TXNRD2: variants seen among roughly 807,000 people sequenced by gnomAD.
TXNRD2 encodes thioredoxin reductase 2, also known as thioredoxin reductase 2, mitochondrial.
TXNRD2 carries 67 observed loss-of-function variants against 70.8 expected under a neutral mutation model. That is an observed-to-expected ratio of 0.95 (90% CI 0.78 to 1.16). TXNRD2 has a LOEUF of 1.16. Among genes scored for constraint, TXNRD2 ranks in the 50% most tolerant of loss-of-function variants. The pLI is 0.00. For missense variants in TXNRD2, 644 were observed against 719.9 expected (o/e 0.89, Z 1.21); for synonymous variants, 301 against 295.8 (o/e 1.02, Z -0.18).
intron 11 of TXNRD2, chr22:19,891,658 C>T (rs921131718): frequency 1.3e-5 from 2 of 152,346 alleles, no homozygotes; most frequent in African/African-American, 4.8e-5. Flanking sequence ...GAATTCGAGC[C>T]CGCAGCAGTG....
intron 12 of TXNRD2, 57 bp downstream of exon 12, chr22:19,883,268 G>A (rs1269342949): frequency 1.3e-6 from 2 of 1,598,148 alleles, no homozygotes; most frequent in Non-Finnish European, 1.7e-6. Context: ...AGCCCAGCGA[G>A]CAGGGGTGGT....
At chr22:19,915,089 A>T in intron 7 of TXNRD2, 125 bp downstream of exon 7, 1 of 878,286 alleles carries the variant, frequency 1.1e-6, no homozygotes, top group Non-Finnish European at 1.9e-6. Context: ...AAGTGATGAT[A>T]GTGAGTATAG....
chr22:19,927,901 C>T (rs919110813), intron 2 of TXNRD2, among the ~76,000 whole-genome samples: 1 of 151,908 alleles, frequency 6.6e-6, no homozygotes, highest in Non-Finnish European at 1.5e-5. Flanking sequence ...TGAGGTATAT[C>T]TCAATAAAAC....
In TXNRD2 at chr22:19,915,229, C is replaced by T. The variant is rs1208571214; in HGVS notation, c.576G>A (p.Pro192=). The T allele has an allele frequency of 2.5e-6, 4 of 1,613,874 alleles. No homozygotes were observed. Among genetic ancestry groups the T allele is most frequent in the South Asian group, 2.2e-5 (2 of 90,964 alleles). The change falls in exon 7 of 18, where the codon CCG becomes CCA. Residue 192 remains proline, a synonymous_variant. Coordinates refer to ENST00000400521, the MANE Select transcript of TXNRD2 (RefSeq NM_006440.5). ...GGACACTCACGTGCGTGGGGTATCT[C>T]GGCCGCCCTCCAGTAGCAATGATGA... ...DHIIIATGGR[P]RYPTHIEGAL... is the part of the protein sequence containing the mutation.
intron 8 of TXNRD2, among the ~76,000 whole-genome samples, chr22:19,904,038 G>A (rs575307565): frequency 1.3e-4 from 20 of 152,314 alleles, no homozygotes; most frequent in Middle Eastern, 3.4e-3. Context: ...GGCACAAGGC[G>A]GGCATCTGCA....
At chr22:19,903,873 G>A (rs964881184) in intron 8 of TXNRD2, among the ~76,000 whole-genome samples, 37 of 152,306 alleles carry the variant, frequency 2.4e-4, no homozygotes, top group Admixed American at 7.2e-4. Flanking sequence ...GTGCCCCTCC[G>A]CACCCCTGCC....
Position 19,898,054 on chromosome 22 carries a change from G to C in TXNRD2, c.759C>G (p.Leu253=). The C allele has an allele frequency of 1.9e-6, 3 of 1,559,140 alleles. No homozygotes were observed. Among genetic ancestry groups the C allele is most frequent in the Non-Finnish European group, 2.6e-6 (3 of 1,152,020 alleles). The change falls in exon 10 of 18, where the codon CTC becomes CTG. Residue 253 remains leucine (L), a synonymous_variant. Coordinates refer to ENST00000400521, the MANE Select transcript of TXNRD2 (RefSeq NM_006440.5). ...CCAGCACTACCTGGTCGAAGCCGCG[G>C]AGGGGGATGCTGCGCATCATGATGG... ...DTTIMMRSIP[L]RGFDQQMSSM... is the part of the protein sequence containing the mutation.
At chr22:19,918,311 A>G in intron 4 of TXNRD2, 94 bp from the exon 5 acceptor site, 1 of 1,152,768 alleles carries the variant, frequency 8.7e-7, no homozygotes, top group Non-Finnish European at 1.3e-6. Flanking sequence ...GTACATTCAT[A>G]GAAATATCAA....
intron 10 of TXNRD2, among the ~76,000 whole-genome samples, chr22:19,896,827 T>C (rs1195328108): frequency 6.6e-6 from 1 of 152,140 alleles, no homozygotes; most frequent in African/African-American, 2.4e-5. Context: ...CGGGCAGGGC[T>C]GGCTGTGCTG....
intron 12 of TXNRD2, 128 bp from the exon 13 acceptor site, chr22:19,880,845 T>G: frequency 1.5e-6 from 1 of 676,076 alleles, no homozygotes; most frequent in South Asian, 1.7e-5. Flanking sequence ...GCACCGAGCA[T>G]GGTGACGTAC....
chr22:19,918,161 C>G lies in TXNRD2; in HGVS notation c.431G>C (p.Arg144Pro), dbSNP rs748674090. Residue 144 changes from arginine (R) to proline (P), a missense_variant, in exon 5 of 18, where the codon CGT becomes CCT. Arg to Pro is a moderately radical substitution (Grantham distance 103). Transcript: ENST00000400521. Reference sequence around the variant, plus strand: ...TCAGTACCTGTCCTGAAGCTGGACACGGTGGCCCCAGTTCAAGGATTTCAC... The same window carrying G: ...TCAGTACCTGTCCTGAAGCTGGACAGGGTGGCCCCAGTTCAAGGATTTCAC... ...NHVKSLNWGHRVQLQDRKVKY... is the reference protein window; with the variant it reads ...NHVKSLNWGHPVQLQDRKVKY... 14 of 1,614,156 alleles carry G rather than the reference C, an allele frequency of 8.7e-6. No homozygotes were observed. Among genetic ancestry groups the G allele is most frequent in the Non-Finnish European group, 1.2e-5 (14 of 1,180,018 alleles).
In TXNRD2 at chr22:19,877,176, C is replaced by T; in HGVS notation, c.1504G>A (p.Glu502Lys). 6.2e-7 allele frequency: 1 copy of T among 1,611,546 alleles called. No individual in the cohort carries two copies. ...RTVGIHPTCS[E>K]EVVKLRISKR... The stretch of plus-strand genomic sequence containing the variant: ...GAGATGCGCAGCTTGACTACCTCCT[C>T]AGAGCATGTGGGATGGATACCCACG... Residue 502 changes from glutamate to lysine, a missense_variant, in exon 17 of 18, where the codon GAG (glutamate) becomes AAG (lysine). Coordinates refer to ENST00000400521, the MANE Select transcript of TXNRD2 (RefSeq NM_006440.5).
chr22:19,891,347 T>A (rs1939254979), intron 11 of TXNRD2: 1 of 152,240 alleles, frequency 6.6e-6, no homozygotes, highest in South Asian at 2.1e-4. Flanking sequence ...CTTCTGGCCA[T>A]GGGCAGGACT....
At chr22:19,882,925 C>T (rs1938847797) in intron 12 of TXNRD2, among the ~76,000 whole-genome samples, 4 of 152,250 alleles carry the variant, frequency 2.6e-5, no homozygotes, top group South Asian at 4.1e-4. Context: ...CAGGTGGGCC[C>T]GAACTAGACC....
intron 2 of TXNRD2, among the ~76,000 whole-genome samples, chr22:19,921,414 C>T (rs1417359146): frequency 5.3e-5 from 4 of 75,388 alleles, no homozygotes; most frequent in Non-Finnish European, 2.6e-5. Context: ...GACCCTGTCT[C>T]AAAAAAAAAA....
chr22:19,889,919 T>A (rs1403329187), intron 11 of TXNRD2, among the ~76,000 whole-genome samples: 5 of 151,966 alleles, frequency 3.3e-5, no homozygotes, highest in African/African-American at 7.2e-5. Context: ...CTTTTTTTTT[T>A]AATTGGTTTC....
rs1938578069 is a variant in TXNRD2, at chr22:19,877,849, G to A, written c.1445+241C>T. Among the ~76,000 whole-genome samples the A allele has an allele frequency of 2.6e-5, 4 of 152,140 alleles. No homozygotes were observed. In the South Asian group the frequency reaches 6.2e-4, roughly 24 times the overall value. ...TGGGCAAGGGCCCTAGCAGCGACCCGGGGCCACAGGGGACACCTCACCTGG... is the reference window on the plus strand; with the variant it reads ...TGGGCAAGGGCCCTAGCAGCGACCCAGGGCCACAGGGGACACCTCACCTGG... On this transcript the variant is annotated intron_variant, in intron 16 of 17. Transcript: ENST00000400521.
intron 8 of TXNRD2, chr22:19,902,913 G>C: frequency 1.9e-6 from 1 of 518,162 alleles, no homozygotes; most frequent in South Asian, 1.4e-5. Context: ...CTTAGGAAGA[G>C]AGAAAAATGA....
chr22:19,916,261 G>A (rs374592326), intron 5 of TXNRD2: 11 of 239,702 alleles, frequency 4.6e-5, no homozygotes, highest in South Asian at 2.2e-4. Flanking sequence ...CCAAGAGAAC[G>A]GGCATGACAA....
Sources: allele counts gnomAD v4.1 joint callset (sites outside exome capture counted in the v4.1 genomes callset), GRCh38; gene constraint gnomAD v4.1.1; transcripts MANE v1.5; gene names NCBI Gene and HGNC (gene_info 2026-07-23, HGNC 2026-07-21).